DOCK9: variants seen among roughly 807,000 people sequenced by gnomAD.
DOCK9 encodes dedicator of cytokinesis protein 9.
A neutral mutation model predicts 263.3 loss-of-function variants in DOCK9; 89 were observed. The ratio of observed to expected loss-of-function variants is 0.34; its 90% CI spans 0.28 to 0.40. The LOEUF is 0.40. Among genes scored for constraint, DOCK9 ranks in the 10% least tolerant of loss-of-function variants. The pLI is 1.00. For synonymous variants in DOCK9, 976 were observed against 973.1 expected (o/e 1.00, Z -0.06); for missense variants, 2,140 against 2,603.4 (o/e 0.82, Z 3.87).
chr13:98,829,170 C>G lies in DOCK9; in HGVS notation c.4965+137G>C. The G allele has an allele frequency of 1.3e-6, 1 of 753,784 alleles. No homozygotes were observed. The highest frequency in any genetic ancestry group is 1.9e-5 in the South Asian group (1 of 53,794). The allele number at this position is 753,784 out of a possible 1,614,324, so 46.7% of individuals were successfully genotyped here. A position where few individuals can be genotyped will look rare whatever the true frequency, so the allele number is the denominator to read the frequency against. ...CTAACTATGAAGTCACCCTAAGCTT[C>G]ATACTGTTTAAAGTTTTGCATACTT... On this transcript the variant is annotated intron_variant, in intron 43 of 52. Coordinates refer to ENST00000682017, the MANE Select transcript of DOCK9 (RefSeq NM_001366683.2). The surrounding 1 kb of genome is among the most constrained non-coding windows in gnomAD (Gnocchi z 4.1).
intron 9 of DOCK9, among the ~76,000 whole-genome samples, chr13:98,910,911 T>C (rs2049906796): frequency 6.6e-6 from 1 of 150,988 alleles, no homozygotes; most frequent in Non-Finnish European, 1.5e-5. Context: ...AACCATGGAA[T>C]CCATCCTTCC....
intron 38 of DOCK9, among the ~76,000 whole-genome samples, chr13:98,839,506 C>T (rs1358269099): frequency 6.6e-6 from 1 of 152,234 alleles, no homozygotes; most frequent in African/African-American, 2.4e-5. Context: ...AATGATCATA[C>T]AGGTCCAAGG....
chr13:98,879,910 G>C lies in DOCK9; in HGVS notation c.2931C>G (p.Asn977Lys), dbSNP rs1322329224. Residue 977 changes from asparagine (N) to lysine (K), a missense_variant, in exon 27 of 53, where the codon AAC becomes AAG. By Grantham distance (94) the Asn-to-Lys change is moderately conservative. Transcript: ENST00000682017. ...TGAAGTAACATACCTTAACTTTGGA[G>C]TTCTCTATCAAATGCTGAGCCATAG... ...IKSMAQHLIE[N>K]SKVKLLRNQR... 1.2e-6 allele frequency: 2 copies of C among 1,606,764 alleles called. No individual in the cohort carries two copies. The highest frequency in any genetic ancestry group is 3.4e-5 in the Admixed American group (2 of 58,068).
intron 1 of DOCK9, among the ~76,000 whole-genome samples, chr13:99,043,028 G>C (rs1239442220): frequency 6.6e-6 from 1 of 152,064 alleles, no homozygotes; most frequent in African/African-American, 2.4e-5. Context: ...AGCACTGCTG[G>C]GTGACATCAT....
intron 2 of DOCK9, among the ~76,000 whole-genome samples, chr13:98,938,372 A>G (rs2055254741): frequency 6.6e-6 from 1 of 152,196 alleles, no homozygotes; most frequent in Non-Finnish European, 1.5e-5. Flanking sequence ...ACATCCACAG[A>G]ACAGTCTTCT....
chr13:98,832,270 T>C (rs534098136), intron 39 of DOCK9: 2 of 155,270 alleles, frequency 1.3e-5, no homozygotes, highest in African/African-American at 4.8e-5. Context: ...TCAGAGAGTT[T>C]GGTAAGGTGG....
intron 1 of DOCK9, among the ~76,000 whole-genome samples, chr13:99,038,364 G>C (rs998265006): frequency 3.9e-5 from 5 of 129,284 alleles, no homozygotes; most frequent in African/African-American, 1.5e-4. Flanking sequence ...GAGTGCAATG[G>C]CGTGACCTTG....
intron 2 of DOCK9, among the ~76,000 whole-genome samples, chr13:98,931,164 A>T (rs1191476186): frequency 1.3e-5 from 2 of 152,232 alleles, no homozygotes; most frequent in Non-Finnish European, 2.9e-5. Context: ...TCCAACGGAC[A>T]TTAGAACTGC....
rs183960677 is a variant in DOCK9, at chr13:98,967,812, C to T, written c.126+9972G>A. 1.6e-3 allele frequency among the ~76,000 whole-genome samples: 250 copies of T among 152,264 alleles called. 2 individuals carry two copies. The highest frequency in any genetic ancestry group is 9.8e-3 in the South Asian group (47 of 4,812). The stretch of plus-strand genomic sequence containing the variant: ...CTTCAAAAATATTAAAAATCCTACT[C>T]CAAAATACTAAATCTTTCCAAAGAA... On this transcript the variant is annotated intron_variant, in intron 1 of 52. Transcript: ENST00000682017.
intron 38 of DOCK9, among the ~76,000 whole-genome samples, chr13:98,839,806 T>A (rs987747231): frequency 1.3e-5 from 2 of 152,246 alleles, no homozygotes; most frequent in African/African-American, 4.8e-5. Flanking sequence ...AATTAAGTTA[T>A]TATATAATTA....
intron 1 of DOCK9, among the ~76,000 whole-genome samples, chr13:98,973,525 G>T (rs1473502502): frequency 2.0e-5 from 3 of 152,174 alleles, no homozygotes; most frequent in Non-Finnish European, 4.4e-5. Flanking sequence ...ATTAAAATAA[G>T]AACTAAAATT....
intron 1 of DOCK9, among the ~76,000 whole-genome samples, chr13:99,013,750 G>A (rs1225974468): frequency 6.6e-6 from 1 of 152,184 alleles, no homozygotes. Context: ...TGAAGAGAAG[G>A]AGGAAGTGCT....
At chr13:98,851,783 T>C (rs893815617) in intron 35 of DOCK9, among the ~76,000 whole-genome samples, 17 of 152,310 alleles carry the variant, frequency 1.1e-4, no homozygotes, top group Admixed American at 2.6e-4. Flanking sequence ...TGTAGGTAGA[T>C]TTTTAGAGTT....
intron 3 of DOCK9, among the ~76,000 whole-genome samples, chr13:98,926,832 T>C (rs985571182): frequency 6.6e-6 from 1 of 152,244 alleles, no homozygotes; most frequent in African/African-American, 2.4e-5. Context: ...TCGATAAATG[T>C]ATTTATGCCT....
At chr13:98,897,634 T>G in intron 14 of DOCK9, 24 bp from the exon 15 acceptor site, 2 of 1,609,652 alleles carry the variant, frequency 1.2e-6, no homozygotes, top group Non-Finnish European at 1.7e-6. Flanking sequence ...GCAACATTTC[T>G]AAACTGGGTT....
chr13:98,885,008 G>A lies in DOCK9; in HGVS notation c.2345C>T (p.Ser782Leu), dbSNP rs180720832. 1.3e-4 allele frequency: 217 copies of A among 1,613,626 alleles called. No individual in the cohort carries two copies. In the African/African-American group the frequency reaches 2.2e-3, roughly 17 times the overall value. ...QHIPVSANLPSGYLGYQELGM... is the reference protein window; with the variant it reads ...QHIPVSANLPLGYLGYQELGM... The stretch of plus-strand genomic sequence containing the variant: ...AAGCTCCTGGTAGCCAAGATAGCCC[G>A]AAGGAAGGTTCGCCGAGACCGGGAT... Residue 782 changes from serine (S) to leucine (L), a missense_variant, in exon 21 of 53, where the codon TCG becomes TTG. Transcript: ENST00000682017.
Position 98,822,668 on chromosome 13 carries a change from A to AAAACAAACAAAC in DOCK9, c.5130+1718_5130+1729dup, listed in dbSNP as rs71114552. Among the ~76,000 whole-genome samples the AAAACAAACAAAC allele has an allele frequency of 2.0e-5, 3 of 151,162 alleles. No homozygotes were observed. In the South Asian group the frequency reaches 6.3e-4, roughly 32 times the overall value. On this transcript the variant is annotated intron_variant, in intron 45 of 52. Transcript: ENST00000682017. Reference sequence around the variant, plus strand: ...GGTTTCATATTTGAGAGTAAAAAGTAAAACAAACAAACAAACAAACAAACA... The same window carrying AAAACAAACAAAC: ...GGTTTCATATTTGAGAGTAAAAAGTAAAACAAACAAACAAACAAACAAACAAACAAACAAACA...
intron 1 of DOCK9, among the ~76,000 whole-genome samples, chr13:99,045,479 G>C (rs570772894): frequency 2.6e-5 from 4 of 152,176 alleles, no homozygotes; most frequent in Non-Finnish European, 5.9e-5. Flanking sequence ...GTAGAGAGTA[G>C]AATGGTGGTT....
rs368836834 is a variant in DOCK9, at chr13:99,005,570, C to T, written c.130-50019G>A. ...ATATAATAAAGGCAGTATCACAAAC[C>T]ACTGAGTAAGGAATGGATTATTCAA... On this transcript the variant is annotated intron_variant, in intron 1 of 32. Coordinates refer to the DOCK9 transcript ENST00000427887. 1.6e-3 allele frequency among the ~76,000 whole-genome samples: 251 copies of T among 152,192 alleles called. 9 individuals carry two copies. In the South Asian group the frequency reaches 0.048, roughly 29 times the overall value.
Sources: gnomAD v4.1 joint callset for allele counts (sites outside exome capture counted in the v4.1 genomes callset) on GRCh38, gnomAD v4.1.1 for gene constraint, Gnocchi (gnomAD v3.1) non-coding constraint, MANE v1.5 for transcripts, NCBI Gene and HGNC (gene_info 2026-07-23, HGNC 2026-07-21) for gene names.